The following DLD variants were observed in gnomAD, a reference collection of about 807,000 sequenced individuals.
DLD encodes the protein dihydrolipoamide dehydrogenase.
In DLD, 36 loss-of-function variants were observed where a neutral mutation model predicts 62.2. That is an observed-to-expected ratio of 0.58 (90% CI 0.44 to 0.76). The LOEUF (loss-of-function observed/expected upper bound fraction) is 0.76. Among genes scored for constraint, DLD ranks in the 30% least tolerant of loss-of-function variants. The pLI is 0.00. For missense variants in DLD, 541 were observed against 608.6 expected (o/e 0.89, Z 1.17); for synonymous variants, 204 against 199.6 (o/e 1.02, Z -0.19).
At chr7:107,915,780 A>G (rs1272802803) in intron 9 of DLD, 84 bp downstream of exon 9, 5 of 1,276,844 alleles carry the variant, frequency 3.9e-6, no homozygotes, top group Admixed American at 1.9e-5. Context: ...TTTAGCAAAT[A>G]TAGGGTTTTT....
Position 107,905,053 on chromosome 7 carries a change from A to G in DLD, c.433A>G (p.Asn145Asp). ...TGGAATTGCCCACTTATTCAAACAG[A>G]ATAAGGTCAGTGTTTAATATTCAGA... ...TGGIAHLFKQ[N>D]KVVHVNGYGK... The change falls in exon 6 of 14, where the codon AAT (asparagine) becomes GAT (aspartate). Residue 145 changes from asparagine (N) to aspartate (D), a missense_variant. By Grantham distance (23) the Asn-to-Asp change is conservative. Transcript: ENST00000205402. 2.5e-6 allele frequency: 4 copies of G among 1,601,754 alleles called. No homozygotes were observed. Among genetic ancestry groups the G allele is most frequent in the Non-Finnish European group, 3.4e-6 (4 of 1,169,414 alleles).
intron 4 of DLD, among the ~76,000 whole-genome samples, chr7:107,903,151 C>A (rs1338415785): frequency 6.6e-6 from 1 of 152,156 alleles, no homozygotes; most frequent in South Asian, 2.1e-4. Context: ...GTAATCCCAG[C>A]ACTTTGGGAG....
intron 2 of DLD, among the ~76,000 whole-genome samples, chr7:107,895,172 G>T (rs1173009834): frequency 6.6e-6 from 1 of 152,174 alleles, no homozygotes; most frequent in African/African-American, 2.4e-5. Context: ...TCTACTACCT[G>T]TGTGCTGCTG....
Position 107,906,491 on chromosome 7 carries a change from T to C in DLD, c.684+123T>C, listed in dbSNP as rs150009399. The stretch of plus-strand genomic sequence containing the variant: ...GCATTGAGTTTTGCTTAAACACTTC[T>C]AGTAATAAAGAGTTTACTTTTGTTT... On this transcript the variant is annotated intron_variant, in intron 8 of 13. Transcript: ENST00000205402. 36 of 703,076 alleles carry C rather than the reference T, an allele frequency of 5.1e-5. No individual in the cohort carries two copies. In the African/African-American group the frequency reaches 5.4e-4, roughly 11 times the overall value. 43.6% of individuals were successfully genotyped at this position (703,076 alleles called of 1,614,324 possible). A position where few individuals can be genotyped will look rare whatever the true frequency, so the allele number is the denominator to read the frequency against.
At chr7:107,906,419 TTA>T in intron 8 of DLD, 51 bp downstream of exon 8, 1 of 1,174,092 alleles carries the variant, frequency 8.5e-7, no homozygotes, top group African/African-American at 1.5e-5. Context: ...TGGAAGGGAC[TTA>T]AAGGTCCCCT....
chr7:107,901,487 C>T (rs1432896748), intron 2 of DLD, among the ~76,000 whole-genome samples: 1 of 152,044 alleles, frequency 6.6e-6, no homozygotes, highest in African/African-American at 2.4e-5. Flanking sequence ...TGTTACAGAA[C>T]TCAGTTGTGT....
At chr7:107,901,544 GTATT>G (rs559014105) in intron 2 of DLD, among the ~76,000 whole-genome samples, 190 bp from the exon 3 acceptor site, 13 of 152,258 alleles carry the variant, frequency 8.5e-5, no homozygotes, top group South Asian at 4.1e-4. Context: ...TGAAATTTGA[GTATT>G]TATGCCATTT....
intron 8 of DLD, among the ~76,000 whole-genome samples, chr7:107,914,507 G>A (rs1362180569): frequency 3.3e-5 from 5 of 151,942 alleles, no homozygotes; most frequent in Non-Finnish European, 7.4e-5. Context: ...CATAGTATTG[G>A]ATTTTACATT....
chr7:107,919,295 C>T lies in DLD; in HGVS notation c.*36C>T. 6.5e-7 allele frequency: 1 copy of T among 1,534,066 alleles called. No homozygotes were observed. Among genetic ancestry groups the T allele is most frequent in the Non-Finnish European group, 8.9e-7 (1 of 1,119,724 alleles). On this transcript the variant is annotated 3_prime_UTR_variant, in exon 14 of 14. Coordinates refer to ENST00000205402, the MANE Select transcript of DLD (RefSeq NM_000108.5). ...TATATATATTTTTTTCTGAAATTTC[C>T]TGGGAGCTTTTGTAGAAGTCACATT...
intron 2 of DLD, among the ~76,000 whole-genome samples, chr7:107,900,799 A>G (rs2031858269): frequency 6.6e-6 from 1 of 152,112 alleles, no homozygotes; most frequent in Admixed American, 6.5e-5. Context: ...ACATGATAAT[A>G]TATGTGAATA....
chr7:107,891,987 T>A (rs2031590724), intron 1 of DLD, among the ~76,000 whole-genome samples: 1 of 152,172 alleles, frequency 6.6e-6, no homozygotes, highest in Admixed American at 6.5e-5. Context: ...AATATAGCGA[T>A]CAAACCCTTT....
At chr7:107,906,203 T>C (rs1162866430) in intron 7 of DLD, 64 bp from the exon 8 acceptor site, 11 of 1,010,950 alleles carry the variant, frequency 1.1e-5, no homozygotes, top group Non-Finnish European at 1.7e-5. Flanking sequence ...CCCATGGATA[T>C]GGAGGGTCGA....
intron 9 of DLD, 37 bp from the exon 10 acceptor site, chr7:107,916,757 G>A (rs1171082929): frequency 4.4e-6 from 7 of 1,573,464 alleles, no homozygotes; most frequent in Non-Finnish European, 6.1e-6. Context: ...ATTTATGTAG[G>A]TGTGTATTTA....
chr7:107,916,484 C>T (rs1257459562), intron 9 of DLD, among the ~76,000 whole-genome samples: 1 of 152,054 alleles, frequency 6.6e-6, no homozygotes, highest in Non-Finnish European at 1.5e-5. Context: ...ACCAGCCTGG[C>T]AACATGGTGA....
At chr7:107,915,350 C>T (rs1044853152) in intron 8 of DLD, among the ~76,000 whole-genome samples, 156 bp from the exon 9 acceptor site, 1 of 152,124 alleles carries the variant, frequency 6.6e-6, no homozygotes, top group Non-Finnish European at 1.5e-5. Flanking sequence ...TGAAGTTATA[C>T]ATATTTAACA....
chr7:107,914,316 C>A lies in DLD; in HGVS notation c.685-1190C>A, dbSNP rs570830867. ...CAGATAGAAGTTTTGTAATTTTTTT[C>A]CCCAGTCTGTGGCTTCTGTTTTTGT... On this transcript the variant is annotated intron_variant, in intron 8 of 13. Coordinates refer to ENST00000205402, the MANE Select transcript of DLD (RefSeq NM_000108.5). Among the ~76,000 whole-genome samples, 28 of 151,890 alleles carry A rather than the reference C, an allele frequency of 1.8e-4. 1 individual carries two copies. The South Asian group carries it at 5.6e-3, about 30-fold the overall frequency.
At chr7:107,912,324 C>T (rs943760890) in intron 8 of DLD, among the ~76,000 whole-genome samples, 6 of 151,922 alleles carry the variant, frequency 3.9e-5, no homozygotes, top group Non-Finnish European at 5.9e-5. Flanking sequence ...TATTGATTTC[C>T]TTTCTTTTGG....
intron 5 of DLD, 138 bp downstream of exon 5, chr7:107,903,685 G>T: frequency 1.8e-6 from 1 of 549,446 alleles, no homozygotes; most frequent in Non-Finnish European, 3.3e-6. Context: ...TAAAAAATGT[G>T]GAGAGATTTA....
rs1203844903 is a variant in DLD at position 107,919,421 on chromosome 7, A to G, written c.*162A>G. On this transcript the variant is annotated 3_prime_UTR_variant, in exon 14 of 14. Coordinates refer to ENST00000205402, the MANE Select transcript of DLD (RefSeq NM_000108.5). ...TTTGGACAAAATGGAATACTCTTAT[A>G]TCTATATTTTACATAAATTTAGTAT... is the stretch of plus-strand genomic sequence containing the variant. 3.4e-6 allele frequency: 2 copies of G among 587,290 alleles called. No individual in the cohort carries two copies. The highest frequency in any genetic ancestry group is 5.9e-6 in the Non-Finnish European group (2 of 340,112). The allele number at this position is 587,290 out of a possible 1,614,324, so 36.4% of individuals were successfully genotyped here.
Sources: allele counts gnomAD v4.1 joint callset (sites outside exome capture counted in the v4.1 genomes callset), GRCh38; gene constraint gnomAD v4.1.1; transcripts MANE v1.5; gene names NCBI Gene and HGNC (gene_info 2026-07-23, HGNC 2026-07-21).